PTPN13: variants seen among roughly 807,000 people sequenced by gnomAD.
PTPN13 encodes protein tyrosine phosphatase non-receptor type 13.
Under a neutral mutation model 284.0 loss-of-function variants are expected in PTPN13, and 191 were observed. The ratio of observed to expected loss-of-function variants is 0.67; its 90% CI spans 0.60 to 0.76. PTPN13 has a LOEUF of 0.76. PTPN13 is among the 30% of genes least tolerant of loss of function. The probability of loss-of-function intolerance (pLI) is 0.00; values close to 1 mark genes in which losing one functional copy is unlikely to be tolerated. For missense variants in PTPN13, 2,797 were observed against 2,939.9 expected, an observed-to-expected ratio of 0.95 and a Z score of 1.12; for synonymous variants, 986 against 1,022.3, an observed-to-expected ratio of 0.96 and a Z score of 0.68.
At chr4:86,675,335 T>A (rs1565295218) in intron 3 of PTPN13, among the ~76,000 whole-genome samples, 1 of 152,180 alleles carries the variant, frequency 6.6e-6, no homozygotes, top group Non-Finnish European at 1.5e-5. Context: ...AGTTTCTTGA[T>A]CCTATTCATA....
At chr4:86,605,729 G>T (rs574439136) in intron 1 of PTPN13, among the ~76,000 whole-genome samples, 3 of 151,768 alleles carry the variant, frequency 2.0e-5, no homozygotes, top group African/African-American at 7.2e-5. Context: ...CTAAAAATAA[G>T]ATTTTATAGA....
intron 17 of PTPN13, among the ~76,000 whole-genome samples, chr4:86,747,889 G>C (rs577456056): frequency 3.0e-4 from 45 of 152,300 alleles, no homozygotes; most frequent in African/African-American, 1.1e-3. Context: ...CTTCTTTAGA[G>C]TCATAGAATA....
chr4:86,668,566 T>C (rs1727353643), intron 2 of PTPN13, among the ~76,000 whole-genome samples: 1 of 151,970 alleles, frequency 6.6e-6, no homozygotes, highest in Non-Finnish European at 1.5e-5. Context: ...CATTTGAAAA[T>C]ATTTGTGTAA....
intron 2 of PTPN13, among the ~76,000 whole-genome samples, chr4:86,670,887 A>G (rs1280336038): frequency 6.6e-6 from 1 of 152,188 alleles, no homozygotes; most frequent in Non-Finnish European, 1.5e-5. Context: ...TATACCTAAG[A>G]TTATGAGCTG....
At chr4:86,712,026 T>C (rs566102035) in intron 7 of PTPN13, among the ~76,000 whole-genome samples, 1 of 152,298 alleles carries the variant, frequency 6.6e-6, no homozygotes, top group South Asian at 2.1e-4. Context: ...AGCCAGGTTT[T>C]GTTGGTACTG....
At position 86,729,033 on chromosome 4, in the gene PTPN13, C is replaced by T. The variant is rs199718586; in HGVS notation, c.1609-3367C>T. On this transcript the variant is annotated intron_variant, in intron 10 of 47. Coordinates refer to ENST00000411767, the MANE Select transcript of PTPN13 (RefSeq NM_080683.3). ...CCTTCAGGAATTTTTGTAAGGCAGG[C>T]CTGATGGTGACAAAATCTGTCAGCA... is the stretch of plus-strand genomic sequence containing the variant. Among the ~76,000 whole-genome samples the T allele has an allele frequency of 1.2e-4, 18 of 149,080 alleles. No individual in the cohort carries two copies. In the East Asian group the frequency reaches 3.5e-3, roughly 29 times the overall value.
In PTPN13 at chr4:86,745,730, C is replaced by T. The variant is rs776706980; in HGVS notation, c.2650+602C>T. Among the ~76,000 whole-genome samples, 8 of 151,666 alleles carry T rather than the reference C, an allele frequency of 5.3e-5. 1 individual carries two copies. In the South Asian group the frequency reaches 6.2e-4, roughly 12 times the overall value. On this transcript the variant is annotated intron_variant, in intron 17 of 47. Transcript: ENST00000411767. ...GGCGGAGGTTGCAGTGAGCTGAGGT[C>T]GCACCATTGCACTCCAACCTGGGCG...
chr4:86,814,634 C>T lies in PTPN13; in HGVS notation c.*83C>T, dbSNP rs1745606027. 8.9e-7 allele frequency: 1 copy of T among 1,119,438 alleles called. No homozygotes were observed. The highest frequency in any genetic ancestry group is 2.4e-5 in the East Asian group (1 of 41,028). 69.3% of individuals were successfully genotyped at this position (1,119,438 alleles called of 1,614,324 possible). On this transcript the variant is annotated 3_prime_UTR_variant, in exon 48 of 48. Transcript: ENST00000411767. ...TGCTCTCTATCCAAAATAAAGATCA[C>T]AGAGCAGCAAGTTCATACAACATGC...
At chr4:86,650,829 T>A (rs1373015670) in intron 2 of PTPN13, among the ~76,000 whole-genome samples, 1 of 152,228 alleles carries the variant, frequency 6.6e-6, no homozygotes, top group Admixed American at 6.5e-5. Context: ...GTAGAGTGTT[T>A]AGGTTTTTCT....
intron 47 of PTPN13, among the ~76,000 whole-genome samples, chr4:86,813,405 G>C (rs537756055): frequency 2.6e-5 from 4 of 152,266 alleles, no homozygotes; most frequent in African/African-American, 9.6e-5. Context: ...TGATTTTCAT[G>C]CTTTTGTTCC....
rs755790615 is a variant in PTPN13 at position 86,807,760 on chromosome 4, A to G, written c.6946A>G (p.Lys2316Glu). 13 of 1,613,936 alleles carry G rather than the reference A, an allele frequency of 8.1e-6. No homozygotes were observed. The highest frequency in any genetic ancestry group is 1.7e-5 in the Admixed American group (1 of 60,004). ...AMMTQEVEGEKIKCQRYWPNI... is the reference protein window; with the variant it reads ...AMMTQEVEGEEIKCQRYWPNI... ...GATGACTCAAGAAGTAGAAGGAGAAAAAATCAAATGCCAGCGCTATTGGCC... is the reference window on the plus strand; with the variant it reads ...GATGACTCAAGAAGTAGAAGGAGAAGAAATCAAATGCCAGCGCTATTGGCC... The change falls in exon 45 of 48, where the codon AAA becomes GAA. Residue 2316 changes from lysine to glutamate, a missense_variant. Coordinates refer to ENST00000411767, the MANE Select transcript of PTPN13 (RefSeq NM_080683.3).
At chr4:86,757,497 C>G (rs922071753) in intron 20 of PTPN13, among the ~76,000 whole-genome samples, 1 of 152,060 alleles carries the variant, frequency 6.6e-6, no homozygotes, top group Non-Finnish European at 1.5e-5. Flanking sequence ...TGACCAGGTA[C>G]CGTGGCTCAC....
intron 2 of PTPN13, among the ~76,000 whole-genome samples, chr4:86,656,956 T>C (rs1234627387): frequency 6.6e-6 from 1 of 152,204 alleles, no homozygotes; most frequent in Non-Finnish European, 1.5e-5. Context: ...CGCTGCCGCC[T>C]TGCAGTTTGA....
At chr4:86,634,644 CAG>C (rs1446725147) in intron 1 of PTPN13, among the ~76,000 whole-genome samples, 1 of 152,004 alleles carries the variant, frequency 6.6e-6, no homozygotes, top group Non-Finnish European at 1.5e-5. Context: ...AATAGGGAAA[CAG>C]AGGTTTAAAG....
chr4:86,678,982 T>C (rs975050053), intron 3 of PTPN13, among the ~76,000 whole-genome samples: 6 of 152,304 alleles, frequency 3.9e-5, no homozygotes, highest in South Asian at 4.1e-4. Context: ...TCTATTCCTG[T>C]TTAAAATTAT....
At chr4:86,795,874 C>G (rs538369814) in intron 40 of PTPN13, among the ~76,000 whole-genome samples, 1 of 152,230 alleles carries the variant, frequency 6.6e-6, no homozygotes, top group East Asian at 1.9e-4. Context: ...GAATGTCACA[C>G]ACCAGGGCCT....
In PTPN13 at chr4:86,809,940, A is replaced by G; in HGVS notation, c.7255A>G (p.Ile2419Val). Residue 2419 changes from isoleucine to valine, a missense_variant, in exon 46 of 48, where the codon ATT becomes GTT. Coordinates refer to ENST00000411767, the MANE Select transcript of PTPN13 (RefSeq NM_080683.3). Reference sequence around the variant, plus strand: ...TGGCATTGGACGTTCAGGGACCCTGATTTGCATAGATGTGGTTCTGGGATT... The same window carrying G: ...TGGCATTGGACGTTCAGGGACCCTGGTTTGCATAGATGTGGTTCTGGGATT... Reference protein sequence around the residue: ...SAGIGRSGTLICIDVVLGLIS... With the variant: ...SAGIGRSGTLVCIDVVLGLIS... The G allele has an allele frequency of 6.2e-7, 1 of 1,613,926 alleles. No individual in the cohort carries two copies. Among genetic ancestry groups the G allele is most frequent in the Non-Finnish European group, 8.5e-7 (1 of 1,179,878 alleles).
intron 2 of PTPN13, among the ~76,000 whole-genome samples, chr4:86,642,707 G>T (rs1381832515): frequency 2.0e-5 from 3 of 151,668 alleles, no homozygotes; most frequent in Non-Finnish European, 4.4e-5. Context: ...CACCCACCTC[G>T]GCCTCTCAAA....
intron 9 of PTPN13, among the ~76,000 whole-genome samples, chr4:86,719,151 C>T (rs1733367242): frequency 6.6e-6 from 1 of 152,070 alleles, no homozygotes; most frequent in Non-Finnish European, 1.5e-5. Flanking sequence ...TCAAGTAGAC[C>T]CCAGTATCAG....
Sources: gnomAD v4.1 joint callset for allele counts (sites outside exome capture counted in the v4.1 genomes callset) on GRCh38, gnomAD v4.1.1 for gene constraint, MANE v1.5 for transcripts, NCBI Gene and HGNC (gene_info 2026-07-23, HGNC 2026-07-21) for gene names.